RPS6KC1: variants seen among roughly 807,000 people sequenced by gnomAD.
RPS6KC1 encodes the protein ribosomal protein S6 kinase C1.
In RPS6KC1, 54 loss-of-function variants were observed where a neutral mutation model predicts 103.8. The ratio of observed to expected loss-of-function variants is 0.52; its 90% CI spans 0.42 to 0.65. The LOEUF is 0.65. RPS6KC1 is among the 30% of genes least tolerant of loss of function. RPS6KC1 has a pLI of 0.00. For missense variants in RPS6KC1, 1,151 were observed against 1,253.8 expected (o/e 0.92, Z 1.24); for synonymous variants, 439 against 438.7 (o/e 1.00, Z -0.01).
intron 6 of RPS6KC1, among the ~76,000 whole-genome samples, chr1:213,133,222 C>CAATATAT (rs1325275132): frequency 6.6e-6 from 1 of 152,048 alleles, no homozygotes; most frequent in Non-Finnish European, 1.5e-5. Context: ...AAGGATGTTG[C>CAATATAT]AATATATATA....
chr1:213,407,214 G>GCA, the RPS6KC1 span, among the ~76,000 whole-genome samples: 1 of 18,392 alleles, frequency 5.4e-5, no homozygotes, highest in Non-Finnish European at 8.8e-5. Flanking sequence ...TTACATGCAC[G>GCA]CGCGCACACA....
At chr1:213,236,108 A>G (rs2094214853) in intron 10 of RPS6KC1, among the ~76,000 whole-genome samples, 1 of 152,134 alleles carries the variant, frequency 6.6e-6, no homozygotes, top group Non-Finnish European at 1.5e-5. Flanking sequence ...CGAGGGATCT[A>G]GGTTGCACAC....
chr1:213,665,647 A>C, the RPS6KC1 span, among the ~76,000 whole-genome samples: 39 of 152,282 alleles, frequency 2.6e-4, 1 homozygote, highest in South Asian at 4.8e-3. Flanking sequence ...AAATACAAAA[A>C]ATACATGAGT....
At chr1:213,407,218 GCACACA>G in the RPS6KC1 span, among the ~76,000 whole-genome samples, 548 of 127,296 alleles carry the variant, frequency 4.3e-3, 3 homozygotes, top group Middle Eastern at 9.2e-3. Context: ...ATGCACGCGC[GCACACA>G]CACACACACA....
chr1:213,698,735 G>A, the RPS6KC1 span, among the ~76,000 whole-genome samples: 80 of 151,892 alleles, frequency 5.3e-4, 1 homozygote, highest in South Asian at 4.8e-3. Context: ...CTTGTTCTTG[G>A]TTTTCTTTTT....
the RPS6KC1 span, among the ~76,000 whole-genome samples, chr1:213,631,366 C>T: frequency 8.1e-6 from 1 of 122,706 alleles, no homozygotes; most frequent in South Asian, 2.8e-4. Flanking sequence ...CAATCTGGGG[C>T]TCTTTCTATG....
the RPS6KC1 span, among the ~76,000 whole-genome samples, chr1:213,635,397 T>A: frequency 0.14 from 21,421 of 152,174 alleles, 2,373 homozygotes; most frequent in African/African-American, 0.31. Flanking sequence ...AACCGAATCC[T>A]GCAGCACATC....
chr1:213,414,188 G>T, the RPS6KC1 span, among the ~76,000 whole-genome samples: 1 of 152,188 alleles, frequency 6.6e-6, no homozygotes, highest in East Asian at 1.9e-4. Flanking sequence ...TCACTCCCAA[G>T]AAACTTTCCT....
At chr1:213,243,010 T>C (rs912030094) in intron 12 of RPS6KC1, among the ~76,000 whole-genome samples, 1 of 152,112 alleles carries the variant, frequency 6.6e-6, no homozygotes, top group African/African-American at 2.4e-5. Flanking sequence ...TTCTTTCTTT[T>C]TTTTGAGACA....
the RPS6KC1 span, among the ~76,000 whole-genome samples, chr1:213,605,897 G>A: frequency 6.6e-6 from 1 of 152,158 alleles, no homozygotes; most frequent in Non-Finnish European, 1.5e-5. Context: ...TGCTGAGAAG[G>A]ATGCCGCCGA....
the RPS6KC1 span, among the ~76,000 whole-genome samples, chr1:213,562,271 C>T: frequency 6.9e-6 from 1 of 144,628 alleles, no homozygotes. Flanking sequence ...TTGAAATTTG[C>T]TTTGCAGCCC....
At chr1:213,318,127 G>C in the RPS6KC1 span, among the ~76,000 whole-genome samples, 1 of 152,248 alleles carries the variant, frequency 6.6e-6, no homozygotes, top group Non-Finnish European at 1.5e-5. Flanking sequence ...CTTACTGCAA[G>C]TGTCTGATTG....
chr1:213,398,238 GTT>G, the RPS6KC1 span, among the ~76,000 whole-genome samples: 1 of 146,342 alleles, frequency 6.8e-6, no homozygotes, highest in African/African-American at 2.6e-5. Context: ...TAGAGACAGG[GTT>G]TCACCATTTT....
At chr1:213,632,111 A>G in the RPS6KC1 span, among the ~76,000 whole-genome samples, 616 of 152,332 alleles carry the variant, frequency 4.0e-3, 3 homozygotes, top group African/African-American at 0.014. Context: ...ATTGCCTAGT[A>G]ATATTCCACC....
At chr1:213,537,196 G>A in the RPS6KC1 span, among the ~76,000 whole-genome samples, 1 of 152,158 alleles carries the variant, frequency 6.6e-6, no homozygotes, top group Admixed American at 6.5e-5. Context: ...ATAGGCAGGG[G>A]CTCAGATGTT....
rs953752778 is a variant in RPS6KC1, at chr1:213,069,376, A to G, written c.106-1630A>G. Among the ~76,000 whole-genome samples the G allele has an allele frequency of 7.9e-5, 12 of 152,330 alleles. No individual in the cohort carries two copies. In the East Asian group the frequency reaches 2.1e-3, roughly 27 times the overall value. ...CAATGGTTAACCTGTCTGGTAGGGG[A>G]CAGGAAACTTTTAAATTATAGAGTT... is the stretch of plus-strand genomic sequence containing the variant. On this transcript the variant is annotated intron_variant, in intron 1 of 14. Transcript: ENST00000366960.
the RPS6KC1 span, among the ~76,000 whole-genome samples, chr1:213,399,198 G>A: frequency 1.3e-5 from 2 of 152,214 alleles, no homozygotes; most frequent in Non-Finnish European, 2.9e-5. Context: ...GCAATGTTGA[G>A]CAAGATATAG....
the RPS6KC1 span, among the ~76,000 whole-genome samples, chr1:213,682,053 C>T: frequency 3.3e-5 from 5 of 152,244 alleles, no homozygotes; most frequent in Admixed American, 1.3e-4. Flanking sequence ...CCTTTGATTA[C>T]GCTGTTCCTG....
chr1:213,258,995 G>A (rs1244360925), intron 12 of RPS6KC1, among the ~76,000 whole-genome samples: 1 of 152,134 alleles, frequency 6.6e-6, no homozygotes, highest in Admixed American at 6.5e-5. Context: ...AGTTCCTAGA[G>A]CCCCTCAGCT....
Sources: allele counts gnomAD v4.1 joint callset (sites outside exome capture counted in the v4.1 genomes callset), GRCh38; gene constraint gnomAD v4.1.1; transcripts MANE v1.5; gene names NCBI Gene and HGNC (gene_info 2026-07-23, HGNC 2026-07-21).